The following NEK7 variants were observed in gnomAD, a reference collection of about 807,000 sequenced individuals.
NEK7 encodes the protein NIMA related kinase 7, also known as serine/threonine-protein kinase Nek7.
NEK7 carries 18 observed loss-of-function variants against 44.6 expected under a neutral mutation model. The ratio of observed to expected loss-of-function variants is 0.40; its 90% CI spans 0.28 to 0.60. The LOEUF (loss-of-function observed/expected upper bound fraction) is 0.60, where lower values mean the gene tolerates loss of function less well. Ranked by LOEUF, NEK7 falls within the 20% of genes least tolerant of loss-of-function variation. NEK7 has a pLI of 0.38. For missense variants in NEK7, 256 were observed against 366.5 expected, an observed-to-expected ratio of 0.70 and a Z score of 2.46; for synonymous variants, 130 against 121.1, an observed-to-expected ratio of 1.07 and a Z score of -0.48.
At chr1:198,299,976 T>C (rs6428450) in intron 9 of NEK7, among the ~76,000 whole-genome samples, 21,043 of 152,186 alleles carry the variant, frequency 0.14, 2,139 homozygotes, top group East Asian at 0.58. Flanking sequence ...TTGAATTATG[T>C]GAGTCTTAGT....
chr1:198,233,135 C>G (rs1005815324), intron 2 of NEK7, among the ~76,000 whole-genome samples: 5 of 151,444 alleles, frequency 3.3e-5, no homozygotes, highest in African/African-American at 1.2e-4. Context: ...TTGGGAGTGC[C>G]AGTACATTTT....
intron 1 of NEK7, among the ~76,000 whole-genome samples, chr1:198,193,982 A>G (rs1329562187): frequency 1.3e-5 from 2 of 152,232 alleles, no homozygotes; most frequent in Non-Finnish European, 2.9e-5. Context: ...ATCAGGCAAG[A>G]GAAGGAAATA....
intron 9 of NEK7, among the ~76,000 whole-genome samples, chr1:198,311,871 T>C (rs1229721586): frequency 6.6e-6 from 1 of 152,208 alleles, no homozygotes; most frequent in African/African-American, 2.4e-5. Flanking sequence ...TGCATCAATG[T>C]TCATCAAGGA....
chr1:198,200,134 A>C (rs1665381121), intron 1 of NEK7, among the ~76,000 whole-genome samples: 1 of 152,164 alleles, frequency 6.6e-6, no homozygotes, highest in South Asian at 2.1e-4. Flanking sequence ...ACCAATATTT[A>C]ATTAGGACTT....
chr1:198,166,972 G>A (rs1558038529), intron 1 of NEK7, among the ~76,000 whole-genome samples: 1 of 152,166 alleles, frequency 6.6e-6, no homozygotes, highest in South Asian at 2.1e-4. Context: ...TGTAACTGCT[G>A]TATCAAATTA....
intron 8 of NEK7, among the ~76,000 whole-genome samples, chr1:198,294,311 G>A (rs1206352744): frequency 6.6e-6 from 1 of 151,914 alleles, no homozygotes; most frequent in Non-Finnish European, 1.5e-5. Flanking sequence ...CGCTCACTGT[G>A]TTATATTTTG....
chr1:198,287,524 C>A (rs56304617), intron 7 of NEK7, among the ~76,000 whole-genome samples: 6,671 of 152,218 alleles, frequency 0.044, 229 homozygotes, highest in Middle Eastern at 0.065. Flanking sequence ...TTTAGATTTT[C>A]ACATTTTTAT....
intron 1 of NEK7, among the ~76,000 whole-genome samples, chr1:198,204,575 C>T (rs955234120): frequency 5.5e-4 from 83 of 151,722 alleles, no homozygotes; most frequent in African/African-American, 1.8e-3. Flanking sequence ...AAAAATTAGC[C>T]GGGCAAGGTG....
At chr1:198,231,041 C>A (rs68013245) in intron 1 of NEK7, among the ~76,000 whole-genome samples, 2 of 151,066 alleles carry the variant, frequency 1.3e-5, no homozygotes, top group Non-Finnish European at 3.0e-5. Context: ...TTTAGAAAAT[C>A]GAAATAGGCT....
intron 1 of NEK7, among the ~76,000 whole-genome samples, chr1:198,188,583 C>T (rs1664983636): frequency 6.6e-6 from 1 of 152,022 alleles, no homozygotes; most frequent in Non-Finnish European, 1.5e-5. Flanking sequence ...GTGCCACTAG[C>T]TACATAGAAA....
intron 5 of NEK7, among the ~76,000 whole-genome samples, chr1:198,265,005 T>C (rs561436568): frequency 6.6e-6 from 1 of 152,240 alleles, no homozygotes; most frequent in African/African-American, 2.4e-5. Context: ...ATTATTGTTA[T>C]TGTTATTATT....
At chr1:198,218,852 A>G (rs968638255) in intron 1 of NEK7, among the ~76,000 whole-genome samples, 4 of 152,066 alleles carry the variant, frequency 2.6e-5, no homozygotes, top group African/African-American at 7.2e-5. Flanking sequence ...TAAAACCACA[A>G]TGAGATACCA....
intron 1 of NEK7, among the ~76,000 whole-genome samples, chr1:198,165,484 T>C (rs1664237242): frequency 6.6e-6 from 1 of 152,230 alleles, no homozygotes; most frequent in Non-Finnish European, 1.5e-5. Flanking sequence ...ATCTTGTATA[T>C]TTCCATCAGA....
intron 2 of NEK7, among the ~76,000 whole-genome samples, chr1:198,249,434 T>C (rs1366479862): frequency 1.3e-5 from 2 of 151,746 alleles, no homozygotes; most frequent in African/African-American, 4.8e-5. Flanking sequence ...TCAAATGGTA[T>C]TTCTAGTTCT....
At position 198,319,828 on chromosome 1, in the gene NEK7, G is replaced by C. The variant is rs970601122; in HGVS notation, c.*306G>C. 2.8e-4 allele frequency: 58 copies of C among 207,946 alleles called. No homozygotes were observed. The highest frequency in any genetic ancestry group is 1.1e-3 in the African/African-American group (47 of 43,466). The allele number at this position is 207,946 out of a possible 1,614,324, so 12.9% of individuals were successfully genotyped here. On this transcript the variant is annotated 3_prime_UTR_variant, in exon 10 of 10. Coordinates refer to ENST00000367385, the MANE Select transcript of NEK7 (RefSeq NM_133494.3). ...CTGATAAATTGTGTTTAGATAGACT[G>C]TCAGTGCCAAATATTGAAGGTGCAG...
At chr1:198,316,428 A>T (rs148367902) in intron 9 of NEK7, among the ~76,000 whole-genome samples, 3,194 of 152,278 alleles carry the variant, frequency 0.021, 44 homozygotes, top group Non-Finnish European at 0.033. Context: ...ATGGAGAAGG[A>T]TACTGTCAGC....
intron 5 of NEK7, among the ~76,000 whole-genome samples, chr1:198,274,372 T>C (rs1653951010): frequency 6.6e-6 from 1 of 151,686 alleles, no homozygotes; most frequent in African/African-American, 2.4e-5. Flanking sequence ...TTAAAAATTT[T>C]TAAGATGGCA....
chr1:198,255,370 T>A (rs904221580), intron 3 of NEK7, among the ~76,000 whole-genome samples: 1 of 152,112 alleles, frequency 6.6e-6, no homozygotes, highest in African/African-American at 2.4e-5. Context: ...TGAGATCCAT[T>A]TGGAGGTCTC....
rs1472377462 is a variant in NEK7, at chr1:198,321,241, G to C, written c.*1719G>C. On this transcript the variant is annotated 3_prime_UTR_variant, in exon 10 of 10. Transcript: ENST00000367385. ...TCTGAAATCTAATCAGTTATGTATG[G>C]TTTCTGAAGGGTAATTTTATTTTGG... The C allele has an allele frequency of 3.3e-5, 5 of 152,158 alleles. No individual in the cohort carries two copies. Among genetic ancestry groups the C allele is most frequent in the African/African-American group, 9.7e-5 (4 of 41,444 alleles). 9.4% of individuals were successfully genotyped at this position (152,158 alleles called of 1,614,324 possible). A position where few individuals can be genotyped will look rare whatever the true frequency, so the allele number is the denominator to read the frequency against.
Sources: gnomAD v4.1 joint callset for allele counts (sites outside exome capture counted in the v4.1 genomes callset) on GRCh38, gnomAD v4.1.1 for gene constraint, MANE v1.5 for transcripts, NCBI Gene and HGNC (gene_info 2026-07-23, HGNC 2026-07-21) for gene names.